The following SNX33 variants were observed in gnomAD, a reference collection of about 807,000 sequenced individuals.
SNX33 encodes sorting nexin 33.
Under a neutral mutation model 38.8 loss-of-function variants are expected in SNX33, and 19 were observed. That is an observed-to-expected ratio of 0.49 (90% CI 0.34 to 0.72). SNX33 has a LOEUF of 0.72. SNX33 is among the 30% of genes least tolerant of loss of function. The probability of loss-of-function intolerance (pLI) is 0.01; values close to 1 mark genes in which losing one functional copy is unlikely to be tolerated. For synonymous variants in SNX33, 246 were observed against 289.7 expected (o/e 0.85, Z 1.53); for missense variants, 641 against 776.4 (o/e 0.83, Z 2.07).
intron 1 of SNX33, among the ~76,000 whole-genome samples, chr15:75,651,034 T>C (rs1222459333): frequency 6.6e-6 from 1 of 152,204 alleles, no homozygotes; most frequent in Non-Finnish European, 1.5e-5. Flanking sequence ...TGCATCTCGT[T>C]TACCCATCAT....
At position 75,650,681 on chromosome 15, in the gene SNX33, T is replaced by G; in HGVS notation, c.1471+108T>G. On this transcript the variant is annotated intron_variant, in intron 1 of 1. Transcript: ENST00000308527. This position sits in a 1 kb window ranked among gnomAD's most constrained non-coding sequence, Gnocchi z 6.1. ...ATGGAGCAACTTGTCTTTATTTCTCTGTCTCAATCATTCATTTAACAAATG... is the reference window on the plus strand; with the variant it reads ...ATGGAGCAACTTGTCTTTATTTCTCGGTCTCAATCATTCATTTAACAAATG... 1.5e-6 allele frequency: 2 copies of G among 1,371,298 alleles called. No individual in the cohort carries two copies. Among genetic ancestry groups the G allele is most frequent in the Non-Finnish European group, 1.9e-6 (2 of 1,027,004 alleles). The allele number at this position is 1,371,298 out of a possible 1,614,324, so 84.9% of individuals were successfully genotyped here.
Position 75,657,158 on chromosome 15 carries a change from C to G in SNX33, c.1668C>G (p.Phe556Leu), listed in dbSNP as rs775387087. The change falls in exon 2 of 2, where the codon TTC (phenylalanine) becomes TTG (leucine). Residue 556 changes from phenylalanine to leucine, a missense_variant. Physicochemically the swap from Phe to Leu is conservative, Grantham distance 22 (BLOSUM62 0). Transcript: ENST00000308527. This position sits in a 1 kb window ranked among gnomAD's most constrained non-coding sequence, Gnocchi z 5.5. Reference protein sequence around the residue: ...MQNYLRQQILFYQRVGQQLEK... With the variant: ...MQNYLRQQILLYQRVGQQLEK... ...ACTACTTGCGCCAGCAGATCCTCTT[C>G]TACCAGCGGGTGGGCCAGCAGCTGG... The G allele has an allele frequency of 6.8e-6, 11 of 1,614,170 alleles. 1 individual carries two copies. The East Asian group carries it at 2.2e-4, about 33-fold the overall frequency.
At chr15:75,655,488 A>G (rs747702373) in intron 1 of SNX33, among the ~76,000 whole-genome samples, 1 of 152,208 alleles carries the variant, frequency 6.6e-6, no homozygotes, top group Non-Finnish European at 1.5e-5. Context: ...CTGTGTGAGC[A>G]GCCCTGGAGA....
Position 75,653,452 on chromosome 15 carries a change from G to A in SNX33, c.1471+2879G>A, listed in dbSNP as rs538911069. On this transcript the variant is annotated intron_variant, in intron 1 of 1. Coordinates refer to ENST00000308527, the MANE Select transcript of SNX33 (RefSeq NM_153271.2). ...GAGCGGGGCTGGTCCTAAGGCTCAC[G>A]ACAGGTCAGGAGGGCGATGTGGTCA... Among the ~76,000 whole-genome samples the A allele has an allele frequency of 1.5e-3, 227 of 152,344 alleles. 2 individuals carry two copies. In the South Asian group the frequency reaches 0.026, roughly 18 times the overall value.
rs1416473439 is a variant in SNX33, at chr15:75,657,339, G to A, written c.*124G>A. 7 of 1,487,318 alleles carry A rather than the reference G, an allele frequency of 4.7e-6. No individual in the cohort carries two copies. The highest frequency in any genetic ancestry group is 1.3e-5 in the South Asian group (1 of 79,078). The allele number at this position is 1,487,318 out of a possible 1,614,324, so 92.1% of individuals were successfully genotyped here. A position where few individuals can be genotyped will look rare whatever the true frequency, so the allele number is the denominator to read the frequency against. On this transcript the variant is annotated 3_prime_UTR_variant, in exon 2 of 2. Coordinates refer to ENST00000308527, the MANE Select transcript of SNX33 (RefSeq NM_153271.2). This position sits in a 1 kb window ranked among gnomAD's most constrained non-coding sequence, Gnocchi z 5.5. The stretch of plus-strand genomic sequence containing the variant: ...CAGCGGTGGGGGAGATAAGCGGCCT[G>A]TCCTGCCTCCTGGGAGAAGGAGCTT...
chr15:75,656,643 C>G (rs1053930291), intron 1 of SNX33, among the ~76,000 whole-genome samples: 1 of 152,094 alleles, frequency 6.6e-6, no homozygotes, highest in South Asian at 2.1e-4. Context: ...TTCTGGGTAC[C>G]AGAGACACAG....
At chr15:75,651,577 C>G (rs1893581107) in intron 1 of SNX33, among the ~76,000 whole-genome samples, 2 of 152,350 alleles carry the variant, frequency 1.3e-5, no homozygotes, top group Non-Finnish European at 2.9e-5. Context: ...GTCCAGGGCA[C>G]TGTCCACATG....
In SNX33 at chr15:75,649,434, A is replaced by G; in HGVS notation, c.332A>G (p.Glu111Gly). The change falls in exon 1 of 2, where the codon GAG (glutamate) becomes GGG (glycine). Residue 111 changes from glutamate (E) to glycine (G), a missense_variant. Physicochemically the swap from Glu to Gly is moderately conservative, Grantham distance 98. This residue lies in a region of SNX33 where 243 missense variants were observed against 233.9 expected (regional missense o/e 1.04). Coordinates refer to ENST00000308527, the MANE Select transcript of SNX33 (RefSeq NM_153271.2). This position sits in a 1 kb window ranked among gnomAD's most constrained non-coding sequence, Gnocchi z 6.6. ...CTCTCAAACCAGGGTAGCTTTGAGG[A>G]GGATGATGATGATGACTGGGATGAC... Reference protein sequence around the residue: ...GFLSNQGSFEEDDDDDWDDWD... With the variant: ...GFLSNQGSFEGDDDDDWDDWD... 1 of 1,536,112 alleles carries G rather than the reference A, an allele frequency of 6.5e-7. No individual in the cohort carries two copies.
At chr15:75,654,749 G>A (rs908770844) in intron 1 of SNX33, among the ~76,000 whole-genome samples, 18 of 152,194 alleles carry the variant, frequency 1.2e-4, no homozygotes, top group African/African-American at 3.4e-4. Flanking sequence ...GAGGGGTAAC[G>A]GAGAACAGGG....
At position 75,661,028 on chromosome 15, in the gene SNX33, G is replaced by C. The variant is rs1032489500; in HGVS notation, c.*3813G>C. 2.0e-5 allele frequency: 3 copies of C among 152,182 alleles called. No homozygotes were observed. The highest frequency in any genetic ancestry group is 7.2e-5 in the African/African-American group (3 of 41,440). 9.4% of individuals were successfully genotyped at this position (152,182 alleles called of 1,614,324 possible). ...GCTGGCCTTATCACCCAGCAGGGCAGGGGATACTCTGGGGCCAGAGCCTGG... is the reference window on the plus strand; with the variant it reads ...GCTGGCCTTATCACCCAGCAGGGCACGGGATACTCTGGGGCCAGAGCCTGG... On this transcript the variant is annotated 3_prime_UTR_variant, in exon 2 of 2. Coordinates refer to ENST00000308527, the MANE Select transcript of SNX33 (RefSeq NM_153271.2). This position sits in a 1 kb window ranked among gnomAD's most constrained non-coding sequence, Gnocchi z 4.5.
At chr15:75,653,701 A>C (rs964700889) in intron 1 of SNX33, among the ~76,000 whole-genome samples, 2 of 152,174 alleles carry the variant, frequency 1.3e-5, no homozygotes, top group Non-Finnish European at 1.5e-5. Context: ...CCAGGACCAC[A>C]GAGCTTCCAT....
rs1893681027 is a variant in SNX33 at position 75,658,380 on chromosome 15, A to T, written c.*1165A>T. On this transcript the variant is annotated 3_prime_UTR_variant, in exon 2 of 2. Transcript: ENST00000308527. The surrounding 1 kb of genome is among the most constrained non-coding windows in gnomAD (Gnocchi z 4.1). ...CAGCCATGCGAGGGATTCCATGCCC[A>T]CCTGCCCTCTGTCTGCCTCGCTGGA... The T allele has an allele frequency of 6.6e-6, 1 of 152,562 alleles. No homozygotes were observed. The highest frequency in any genetic ancestry group is 2.4e-5 in the African/African-American group (1 of 41,406). The allele number at this position is 152,562 out of a possible 1,614,324, so 9.5% of individuals were successfully genotyped here. A position where few individuals can be genotyped will look rare whatever the true frequency, so the allele number is the denominator to read the frequency against.
Position 75,650,287 on chromosome 15 carries a change from C to T in SNX33, c.1185C>T (p.Leu395=), listed in dbSNP as rs1433932570. 1 of 1,592,258 alleles carries T rather than the reference C, an allele frequency of 6.3e-7. No homozygotes were observed. Among genetic ancestry groups the T allele is most frequent in the Non-Finnish European group, 8.6e-7 (1 of 1,167,474 alleles). The change falls in exon 1 of 2, where the codon CTC becomes CTT. Residue 395 remains leucine, a synonymous_variant. Coordinates refer to ENST00000308527, the MANE Select transcript of SNX33 (RefSeq NM_153271.2). This position sits in a 1 kb window ranked among gnomAD's most constrained non-coding sequence, Gnocchi z 6.1. ...SKKMDDSVLQ[L]STVASELVRK... ...AGATGGACGACAGCGTCCTGCAGCT[C>T]AGCACTGTGGCATCAGAGCTGGTGC...
In SNX33 at chr15:75,649,690, C is replaced by G. The variant is rs770939494; in HGVS notation, c.588C>G (p.Ala196=). The stretch of plus-strand genomic sequence containing the variant: ...GCTTTGTGCGTTCTGGAGTGGAGGC[C>G]TTCATCCTGGGTGATGTGCCCATGA... ...FSCFVRSGVE[A]FILGDVPMMA... The change falls in exon 1 of 2, where the codon GCC becomes GCG. Residue 196 remains alanine (A), a synonymous_variant. Transcript: ENST00000308527. The surrounding 1 kb of genome is among the most constrained non-coding windows in gnomAD (Gnocchi z 6.6). The G allele has an allele frequency of 1.3e-6, 2 of 1,567,702 alleles. No individual in the cohort carries two copies. The highest frequency in any genetic ancestry group is 1.7e-6 in the Non-Finnish European group (2 of 1,152,596).
Position 75,649,551 on chromosome 15 carries a change from C to T in SNX33, c.449C>T (p.Ala150Val), listed in dbSNP as rs902526510. 4 of 1,612,848 alleles carry T rather than the reference C, an allele frequency of 2.5e-6. No individual in the cohort carries two copies. In the East Asian group the frequency reaches 6.7e-5, roughly 27 times the overall value. Residue 150 changes from alanine to valine, a missense_variant, in exon 1 of 2, where the codon GCC becomes GTC. By Grantham distance (64) the Ala-to-Val change is moderately conservative. Coordinates refer to ENST00000308527, the MANE Select transcript of SNX33 (RefSeq NM_153271.2). The surrounding 1 kb of genome is among the most constrained non-coding windows in gnomAD (Gnocchi z 6.6). The part of the protein sequence containing the change: ...HPPLNLSYPG[A>V]YPSQHMAFRP... ...CCCCTCAACCTCTCCTACCCTGGTG[C>T]CTACCCCAGCCAGCACATGGCCTTC... is the stretch of plus-strand genomic sequence containing the variant.
chr15:75,649,499 G>A lies in SNX33; in HGVS notation c.397G>A (p.Gly133Ser). 6.4e-7 allele frequency: 1 copy of A among 1,561,352 alleles called. No homozygotes were observed. Residue 133 changes from glycine (G) to serine (S), a missense_variant, in exon 1 of 2, where the codon GGT becomes AGT. Physicochemically the swap from Gly to Ser is moderately conservative, Grantham distance 56 (BLOSUM62 0). Coordinates refer to ENST00000308527, the MANE Select transcript of SNX33 (RefSeq NM_153271.2). This position sits in a 1 kb window ranked among gnomAD's most constrained non-coding sequence, Gnocchi z 6.6. ...GCTVVEEPRA[G>S]GLGTNGHPPL... is the part of the protein sequence containing the mutation. ...CACAGTGGTGGAGGAGCCACGGGCT[G>A]GTGGGCTGGGCACCAACGGGCACCC...
chr15:75,649,866 C>T lies in SNX33; in HGVS notation c.764C>T (p.Thr255Ile), dbSNP rs1303636417. Residue 255 changes from threonine (T) to isoleucine (I), a missense_variant, in exon 1 of 2, where the codon ACA (threonine) becomes ATA (isoleucine). Coordinates refer to ENST00000308527, the MANE Select transcript of SNX33 (RefSeq NM_153271.2). This position sits in a 1 kb window ranked among gnomAD's most constrained non-coding sequence, Gnocchi z 6.6. ...GIKSYISYKL[T>I]PTHAASPVYR... ...AAAAGCTACATCTCCTACAAGCTCA[C>T]ACCCACCCATGCTGCCTCACCCGTC... 1 of 1,537,734 alleles carries T rather than the reference C, an allele frequency of 6.5e-7. No homozygotes were observed. Among genetic ancestry groups the T allele is most frequent in the Non-Finnish European group, 8.7e-7 (1 of 1,144,378 alleles).
rs142604167 is a variant in SNX33, at chr15:75,657,944, C to T, written c.*729C>T. 2 of 153,184 alleles carry T rather than the reference C, an allele frequency of 1.3e-5. No individual in the cohort carries two copies. The highest frequency in any genetic ancestry group is 3.9e-4 in the East Asian group (2 of 5,182). 9.5% of individuals were successfully genotyped at this position (153,184 alleles called of 1,614,324 possible). A position where few individuals can be genotyped will look rare whatever the true frequency, so the allele number is the denominator to read the frequency against. ...GTACGCTTTCCATGGGGATTCTGGC[C>T]TGTGTGGTAGGAAGGGATCTCCCTT... On this transcript the variant is annotated 3_prime_UTR_variant, in exon 2 of 2. Coordinates refer to ENST00000308527, the MANE Select transcript of SNX33 (RefSeq NM_153271.2). This position sits in a 1 kb window ranked among gnomAD's most constrained non-coding sequence, Gnocchi z 5.5.
rs1029479068 is a variant in SNX33, at chr15:75,648,406, C to A, written c.-697C>A. On this transcript the variant is annotated 5_prime_UTR_variant, in exon 1 of 2. Coordinates refer to ENST00000308527, the MANE Select transcript of SNX33 (RefSeq NM_153271.2). The surrounding 1 kb of genome is among the most constrained non-coding windows in gnomAD (Gnocchi z 4.4). ...GCAGCCGGGGTCGAAGAGTTGGCGGCCTGTTGTGTAAGCCTCAGTCCTTGT... is the reference window on the plus strand; with the variant it reads ...GCAGCCGGGGTCGAAGAGTTGGCGGACTGTTGTGTAAGCCTCAGTCCTTGT... 1 of 985,390 alleles carries A rather than the reference C, an allele frequency of 1.0e-6. No individual in the cohort carries two copies. The highest frequency in any genetic ancestry group is 1.2e-6 in the Non-Finnish European group (1 of 829,966). 61.0% of individuals were successfully genotyped at this position (985,390 alleles called of 1,614,324 possible). A position where few individuals can be genotyped will look rare whatever the true frequency, so the allele number is the denominator to read the frequency against.
Sources: allele counts gnomAD v4.1 joint callset (sites outside exome capture counted in the v4.1 genomes callset), GRCh38; gene constraint gnomAD v4.1.1; regional missense constraint gnomAD v4.1.1; non-coding constraint Gnocchi (gnomAD v3.1); transcripts MANE v1.5; gene names NCBI Gene and HGNC (gene_info 2026-07-23, HGNC 2026-07-21).